MAK: variants seen among roughly 807,000 people sequenced by gnomAD.
The protein encoded by MAK is serine/threonine-protein kinase MAK.
Under a neutral mutation model 82.6 loss-of-function variants are expected in MAK, and 65 were observed. The ratio of observed to expected loss-of-function variants is 0.79; its 90% CI spans 0.64 to 0.97. The LOEUF is 0.97. Ranked by LOEUF, MAK falls within the 50% of genes least tolerant of loss-of-function variation. The pLI is 0.00. For missense variants in MAK, 703 were observed against 780.2 expected (o/e 0.90, Z 1.18); for synonymous variants, 250 against 274.2 (o/e 0.91, Z 0.87).
Position 10,776,678 on chromosome 6 carries a change from A to G in MAK, c.1466-1219T>C, listed in dbSNP as rs1159691414. Among the ~76,000 whole-genome samples the G allele has an allele frequency of 6.6e-6, 1 of 152,174 alleles. No homozygotes were observed. The highest frequency in any genetic ancestry group is 1.5e-5 in the Non-Finnish European group (1 of 68,038). On this transcript the variant is annotated intron_variant, in intron 11 of 14. Transcript: ENST00000354489. This position sits in a 1 kb window ranked among gnomAD's most constrained non-coding sequence, Gnocchi z 4.3. ...CTTATTTTGAAACCAGAAATACTGC[A>G]CCTCAAAAGTTACCCATTATCAGTT...
At chr6:10,764,839 T>G (rs1489251398) in intron 14 of MAK, among the ~76,000 whole-genome samples, 1 of 152,098 alleles carries the variant, frequency 6.6e-6, no homozygotes, top group Non-Finnish European at 1.5e-5. Context: ...CTGCCTGTAG[T>G]CCTAGCACTT....
chr6:10,817,720 G>T, intron 4 of MAK, 130 bp downstream of exon 4: 2 of 684,126 alleles, frequency 2.9e-6, no homozygotes, highest in Non-Finnish European at 4.6e-6. Flanking sequence ...TTTGATAAAG[G>T]TAACAGAACT....
chr6:10,783,830 C>T (rs1012987209), intron 11 of MAK, among the ~76,000 whole-genome samples: 3 of 152,142 alleles, frequency 2.0e-5, no homozygotes, highest in African/African-American at 4.8e-5. Flanking sequence ...ACCATCCCGG[C>T]TAACACGGTG....
intron 1 of MAK, among the ~76,000 whole-genome samples, chr6:10,832,440 C>T (rs1778877394): frequency 6.6e-6 from 1 of 152,198 alleles, no homozygotes; most frequent in Non-Finnish European, 1.5e-5. Flanking sequence ...GTAGCAAATA[C>T]CATTGTTGTC....
At chr6:10,788,490 T>C (rs1200922127) in intron 10 of MAK, among the ~76,000 whole-genome samples, 1 of 152,084 alleles carries the variant, frequency 6.6e-6, no homozygotes, top group Non-Finnish European at 1.5e-5. Flanking sequence ...CCAACACTTT[T>C]GGAGGCCGAG....
At chr6:10,831,501 C>G (rs1778806667) in intron 1 of MAK, among the ~76,000 whole-genome samples, 1 of 152,114 alleles carries the variant, frequency 6.6e-6, no homozygotes, top group African/African-American at 2.4e-5. Context: ...CCTGTAATCC[C>G]AGTGATTTGA....
intron 9 of MAK, among the ~76,000 whole-genome samples, chr6:10,795,586 TACAAAAAAATA>T (rs1281406175): frequency 1.3e-5 from 2 of 151,514 alleles, no homozygotes; most frequent in Admixed American, 1.3e-4. Context: ...CTACTAAAAA[TACAAAAAAATA>T]TCCAGGCGTG....
chr6:10,765,539 A>C (rs1227553501), intron 14 of MAK, among the ~76,000 whole-genome samples: 1 of 147,714 alleles, frequency 6.8e-6, no homozygotes, highest in African/African-American at 2.6e-5. Context: ...GGCTCACTGC[A>C]ACCTCCACCT....
intron 6 of MAK, among the ~76,000 whole-genome samples, chr6:10,808,289 TGCTGCATGCA>T (rs1776654934): frequency 6.6e-6 from 1 of 152,212 alleles, no homozygotes; most frequent in South Asian, 2.1e-4. Flanking sequence ...TCGTCCACAT[TGCTGCATGCA>T]GTCATAGACC....
intron 7 of MAK, among the ~76,000 whole-genome samples, chr6:10,803,026 C>G (rs77896609): frequency 0.045 from 6,904 of 152,216 alleles, 193 homozygotes; most frequent in Middle Eastern, 0.13. Context: ...GTTCAAGACA[C>G]CAGGGGTTAA....
rs1772131105 is a variant in MAK, at chr6:10,763,580, C to T, written c.*872G>A. On this transcript the variant is annotated 3_prime_UTR_variant, in exon 15 of 15. Coordinates refer to ENST00000354489, the MANE Select transcript of MAK (RefSeq NM_001242957.3). The stretch of plus-strand genomic sequence containing the variant: ...AAAAAAAAAGCTGGGCACTGTGGCT[C>T]ACACCTGTAAGCCCTGCACTTTGGG... The T allele has an allele frequency of 2.0e-5, 3 of 150,004 alleles. No homozygotes were observed. The highest frequency in any genetic ancestry group is 6.6e-5 in the Admixed American group (1 of 15,062). The allele number at this position is 150,004 out of a possible 1,614,324, so 9.3% of individuals were successfully genotyped here.
intron 8 of MAK, among the ~76,000 whole-genome samples, 173 bp downstream of exon 8, chr6:10,801,719 G>C (rs1343556699): frequency 1.3e-5 from 2 of 152,158 alleles, no homozygotes; most frequent in East Asian, 3.8e-4. Context: ...TTCTCCCAAT[G>C]ATATTATATG....
intron 4 of MAK, among the ~76,000 whole-genome samples, chr6:10,814,480 G>A (rs1225965019): frequency 1.3e-5 from 2 of 151,258 alleles, no homozygotes; most frequent in Non-Finnish European, 2.9e-5. Flanking sequence ...ACCAGCCTGG[G>A]CAACATGGTG....
chr6:10,804,117 A>G (rs1776226130), intron 6 of MAK, among the ~76,000 whole-genome samples: 1 of 152,188 alleles, frequency 6.6e-6, no homozygotes, highest in Non-Finnish European at 1.5e-5. Context: ...TGTCTATGAA[A>G]TGTCCATCAA....
At chr6:10,773,548 C>A (rs1329217529) in intron 12 of MAK, among the ~76,000 whole-genome samples, 1 of 152,016 alleles carries the variant, frequency 6.6e-6, no homozygotes, top group Admixed American at 6.6e-5. Flanking sequence ...TCCAATATCA[C>A]CTACATTAAA....
At chr6:10,794,604 C>A (rs1775354797) in intron 9 of MAK, among the ~76,000 whole-genome samples, 1 of 152,078 alleles carries the variant, frequency 6.6e-6, no homozygotes, top group African/African-American at 2.4e-5. Context: ...GGAGTGTATA[C>A]CCAGTGGGAC....
In MAK at chr6:10,776,211, C is replaced by T. The variant is rs1055064664; in HGVS notation, c.1466-752G>A. Among the ~76,000 whole-genome samples, 30 of 152,164 alleles carry T rather than the reference C, an allele frequency of 2.0e-4. No homozygotes were observed. Among genetic ancestry groups the T allele is most frequent in the African/African-American group, 5.6e-4 (23 of 41,432 alleles). On this transcript the variant is annotated intron_variant, in intron 11 of 14. Transcript: ENST00000354489. This position sits in a 1 kb window ranked among gnomAD's most constrained non-coding sequence, Gnocchi z 4.3. ...ACCTTTGAAGTTCGGAGGTATGAAG[C>T]TCCACCTGAAACGCTTATTTGTATA...
intron 14 of MAK, among the ~76,000 whole-genome samples, chr6:10,767,972 G>GTTT (rs1176334291): frequency 6.6e-6 from 1 of 151,992 alleles, no homozygotes; most frequent in Non-Finnish European, 1.5e-5. Context: ...ACAGAACAGT[G>GTTT]TTTTTTCTAA....
intron 2 of MAK, among the ~76,000 whole-genome samples, chr6:10,829,479 T>C (rs1033514247): frequency 4.6e-5 from 7 of 152,172 alleles, no homozygotes; most frequent in Non-Finnish European, 1.0e-4. Flanking sequence ...GGTGGGTAGC[T>C]TGCTTGAGCC....
Sources: allele counts gnomAD v4.1 joint callset (sites outside exome capture counted in the v4.1 genomes callset), GRCh38; gene constraint gnomAD v4.1.1; non-coding constraint Gnocchi (gnomAD v3.1); transcripts MANE v1.5; gene names NCBI Gene and HGNC (gene_info 2026-07-23, HGNC 2026-07-21).